IMMP2L: variants seen among roughly 807,000 people sequenced by gnomAD.
The protein encoded by IMMP2L is mitochondrial inner membrane protease subunit 2.
Under a neutral mutation model 19.3 loss-of-function variants are expected in IMMP2L, and 18 were observed. The observed-to-expected ratio is 0.93, with a 90% CI of 0.64 to 1.38. IMMP2L has a LOEUF of 1.38. IMMP2L is among the 40% of genes most tolerant of loss of function. IMMP2L has a pLI of 0.00. For missense variants in IMMP2L, 233 were observed against 218.2 expected (o/e 1.07, Z -0.43); for synonymous variants, 76 against 73.0 (o/e 1.04, Z -0.21).
intron 3 of IMMP2L, among the ~76,000 whole-genome samples, chr7:111,182,967 T>C (rs1047981844): frequency 4.6e-5 from 7 of 152,054 alleles, no homozygotes; most frequent in African/African-American, 1.4e-4. Context: ...TTCTCTTAAA[T>C]TGGTGCCTTG....
intron 3 of IMMP2L, among the ~76,000 whole-genome samples, chr7:111,251,999 A>G (rs1489440838): frequency 6.6e-6 from 1 of 152,136 alleles, no homozygotes; most frequent in East Asian, 1.9e-4. Context: ...CTCTCCTGAA[A>G]AAAAATTCTC....
chr7:111,169,501 T>C (rs1806199046), intron 3 of IMMP2L, among the ~76,000 whole-genome samples: 1 of 151,894 alleles, frequency 6.6e-6, no homozygotes, highest in Non-Finnish European at 1.5e-5. Flanking sequence ...TTGGTTACAT[T>C]CAGCGTTCTG....
At chr7:111,073,705 G>C (rs1178061833) in intron 3 of IMMP2L, among the ~76,000 whole-genome samples, 1 of 152,016 alleles carries the variant, frequency 6.6e-6, no homozygotes, top group Non-Finnish European at 1.5e-5. Flanking sequence ...CCCTTGAGAG[G>C]CATCTTCTGT....
At chr7:111,111,378 C>T (rs966899635) in intron 3 of IMMP2L, among the ~76,000 whole-genome samples, 4 of 150,238 alleles carry the variant, frequency 2.7e-5, no homozygotes, top group African/African-American at 4.9e-5. Context: ...ATTTGGTAGG[C>T]ATCACAAATT....
At chr7:111,031,953 T>TG (rs1351736883) in intron 3 of IMMP2L, among the ~76,000 whole-genome samples, 1 of 150,232 alleles carries the variant, frequency 6.7e-6, no homozygotes, top group Non-Finnish European at 1.5e-5. Flanking sequence ...TTTTTTTTTT[T>TG]TTTGAGACAG....
chr7:111,217,367 A>G (rs1198994035), intron 3 of IMMP2L, among the ~76,000 whole-genome samples: 1 of 152,086 alleles, frequency 6.6e-6, no homozygotes, highest in Admixed American at 6.6e-5. Flanking sequence ...CACTACTCCT[A>G]ATATCAGTCC....
At chr7:111,328,564 A>G (rs928919810) in intron 3 of IMMP2L, among the ~76,000 whole-genome samples, 1 of 151,954 alleles carries the variant, frequency 6.6e-6, no homozygotes, top group Non-Finnish European at 1.5e-5. Flanking sequence ...ACAAGCCCCA[A>G]TACAGCAAGG....
At chr7:110,973,136 T>G (rs1820329694) in intron 3 of IMMP2L, among the ~76,000 whole-genome samples, 1 of 152,028 alleles carries the variant, frequency 6.6e-6, no homozygotes, top group South Asian at 2.1e-4. Context: ...TAATGTATTA[T>G]ATACCTGAAA....
At chr7:110,802,655 C>T (rs1801343523) in intron 5 of IMMP2L, among the ~76,000 whole-genome samples, 1 of 151,892 alleles carries the variant, frequency 6.6e-6, no homozygotes, top group South Asian at 2.1e-4. Context: ...GCCATAAAAA[C>T]CATTAACTAT....
chr7:110,932,762 T>A (rs2129551918), intron 4 of IMMP2L, among the ~76,000 whole-genome samples: 1 of 152,372 alleles, frequency 6.6e-6, no homozygotes, highest in East Asian at 1.9e-4. Context: ...TTGTACACAC[T>A]GTTTTAATAC....
At chr7:111,500,068 T>C in intron 2 of IMMP2L, among the ~76,000 whole-genome samples, 1 of 151,670 alleles carries the variant, frequency 6.6e-6, no homozygotes. Context: ...AAGAAAGAGG[T>C]GACAGATGGC....
At chr7:110,925,532 T>C (rs1466793048) in intron 4 of IMMP2L, among the ~76,000 whole-genome samples, 1 of 152,132 alleles carries the variant, frequency 6.6e-6, no homozygotes, top group African/African-American at 2.4e-5. Context: ...CGAGACTACT[T>C]GACAGGCATT....
chr7:111,540,214 G>A (rs1202017969), intron 1 of IMMP2L, among the ~76,000 whole-genome samples: 1 of 152,026 alleles, frequency 6.6e-6, no homozygotes, highest in Non-Finnish European at 1.5e-5. Context: ...AAACAACAGG[G>A]GCTCCGGGTA....
At chr7:111,457,524 T>C (rs1333745637) in intron 3 of IMMP2L, among the ~76,000 whole-genome samples, 1 of 152,164 alleles carries the variant, frequency 6.6e-6, no homozygotes, top group African/African-American at 2.4e-5. Context: ...CAGCAGTCCT[T>C]CTAGGTATAC....
chr7:110,721,990 TG>T (rs1226637657), intron 5 of IMMP2L, among the ~76,000 whole-genome samples: 1 of 152,048 alleles, frequency 6.6e-6, no homozygotes, highest in African/African-American at 2.4e-5. Context: ...AGCACAGCTG[TG>T]GGAAGGATTG....
intron 3 of IMMP2L, among the ~76,000 whole-genome samples, chr7:111,169,766 T>C (rs1159327747): frequency 6.6e-6 from 1 of 151,850 alleles, no homozygotes; most frequent in Admixed American, 6.6e-5. Flanking sequence ...GTACTGACAA[T>C]TAGGACTTCA....
chr7:110,819,744 T>C (rs1802859627), intron 5 of IMMP2L, among the ~76,000 whole-genome samples: 1 of 152,026 alleles, frequency 6.6e-6, no homozygotes, highest in South Asian at 2.1e-4. Flanking sequence ...ATGGGGAAAA[T>C]GGATAATAAT....
chr7:111,024,129 A>C (rs566634193), intron 3 of IMMP2L, among the ~76,000 whole-genome samples: 1 of 152,354 alleles, frequency 6.6e-6, no homozygotes, highest in African/African-American at 2.4e-5. Flanking sequence ...TGCAGGTTGA[A>C]GCAAAGATAG....
At chr7:110,955,114 T>C (rs1818233752) in intron 4 of IMMP2L, among the ~76,000 whole-genome samples, 1 of 151,998 alleles carries the variant, frequency 6.6e-6, no homozygotes, top group Non-Finnish European at 1.5e-5. Flanking sequence ...GTAAAGAGAC[T>C]ATATATGAAC....
Sources: gnomAD v4.1 joint callset for allele counts (sites outside exome capture counted in the v4.1 genomes callset) on GRCh38, gnomAD v4.1.1 for gene constraint, MANE v1.5 for transcripts, NCBI Gene and HGNC (gene_info 2026-07-23, HGNC 2026-07-21) for gene names.